The following PCCB variants were observed in gnomAD, a reference collection of about 807,000 sequenced individuals.
PCCB encodes propionyl-CoA carboxylase subunit beta, also known as propionyl-CoA carboxylase beta chain, mitochondrial.
PCCB carries 43 observed loss-of-function variants against 60.7 expected under a neutral mutation model. That is an observed-to-expected ratio of 0.71 (90% CI 0.55 to 0.91). The LOEUF (loss-of-function observed/expected upper bound fraction) is 0.91. Ranked by LOEUF, PCCB falls within the 40% of genes least tolerant of loss-of-function variation. The pLI, the probability that PCCB is intolerant of heterozygous loss-of-function variation, is 0.00. For missense variants in PCCB, 766 were observed against 702.8 expected, an observed-to-expected ratio of 1.09 and a Z score of -1.02; for synonymous variants, 276 against 255.9, an observed-to-expected ratio of 1.08 and a Z score of -0.75.
chr3:136,259,023 T>C (rs1411108486), intron 3 of PCCB, among the ~76,000 whole-genome samples: 1 of 152,202 alleles, frequency 6.6e-6, no homozygotes, highest in Non-Finnish European at 1.5e-5. Context: ...CACAGCTGAT[T>C]CTGTTCTTAA....
At chr3:136,323,788 GAAACA>G (rs1935192243) in intron 10 of PCCB, among the ~76,000 whole-genome samples, 1 of 103,772 alleles carries the variant, frequency 9.6e-6, no homozygotes, top group African/African-American at 3.9e-5. Context: ...CTCCATCTCA[GAAACA>G]AAACAAAACA....
Position 136,261,935 on chromosome 3 carries a change from T to C in PCCB, c.430-17T>C. ...CAAGAACATTTGTCTCAATAAAAGA[T>C]TTCTCTGCTGTCTCAGATCATGGAC... On this transcript the variant is annotated splice_polypyrimidine_tract_variant and intron_variant, in intron 4 of 14. Transcript: ENST00000251654. The C allele has an allele frequency of 6.8e-7, 1 of 1,473,956 alleles. No homozygotes were observed. The highest frequency in any genetic ancestry group is 9.3e-7 in the Non-Finnish European group (1 of 1,075,326). 91.3% of individuals were successfully genotyped at this position (1,473,956 alleles called of 1,614,324 possible). A position where few individuals can be genotyped will look rare whatever the true frequency, so the allele number is the denominator to read the frequency against.
intron 6 of PCCB, among the ~76,000 whole-genome samples, chr3:136,286,152 A>G (rs1324290862): frequency 4.6e-5 from 7 of 152,256 alleles, no homozygotes; most frequent in Non-Finnish European, 7.3e-5. Flanking sequence ...ACATAGATCT[A>G]TATCTATTTG....
chr3:136,328,041 A>G (rs1935395882), intron 13 of PCCB, among the ~76,000 whole-genome samples: 1 of 152,162 alleles, frequency 6.6e-6, no homozygotes, highest in Non-Finnish European at 1.5e-5. Context: ...CAAAGGGTTG[A>G]GTCAACTGAA....
chr3:136,251,253 C>G (rs1278215196), intron 1 of PCCB: 3 of 456,598 alleles, frequency 6.6e-6, no homozygotes, highest in Non-Finnish European at 1.3e-5. Context: ...GAGAATCCAG[C>G]TGGCCTTCAG....
chr3:136,319,684 C>T (rs1935041328), intron 10 of PCCB, among the ~76,000 whole-genome samples: 1 of 152,178 alleles, frequency 6.6e-6, no homozygotes, highest in East Asian at 1.9e-4. Context: ...AGGTGTGAAC[C>T]ACTGCACCTG....
intron 6 of PCCB, 87 bp downstream of exon 6, chr3:136,284,034 G>T: frequency 4.7e-6 from 4 of 842,718 alleles, no homozygotes; most frequent in Non-Finnish European, 6.1e-6. Flanking sequence ...CCCAGATCTA[G>T]GTTGTTACCT....
At chr3:136,293,214 G>A (rs1933777889) in intron 6 of PCCB, among the ~76,000 whole-genome samples, 1 of 152,176 alleles carries the variant, frequency 6.6e-6, no homozygotes, top group African/African-American at 2.4e-5. Flanking sequence ...TGTTGGCCAG[G>A]CTGGTCTTGA....
chr3:136,268,087 G>GATATATATGTATATAT (rs1942066031), intron 5 of PCCB, among the ~76,000 whole-genome samples: 1 of 93,800 alleles, frequency 1.1e-5, no homozygotes, highest in Non-Finnish European at 2.1e-5. Flanking sequence ...TGTGTGTGTA[G>GATATATATGTATATAT]ATATATATAT....
At chr3:136,285,551 C>A (rs947945763) in intron 6 of PCCB, among the ~76,000 whole-genome samples, 2 of 150,542 alleles carry the variant, frequency 1.3e-5, no homozygotes, top group African/African-American at 4.9e-5. Context: ...ACCACTAAAT[C>A]GTTTTTTTTT....
Position 136,293,763 on chromosome 3 carries a change from C to T in PCCB, c.662C>T (p.Ser221Phe), listed in dbSNP as rs1933809009. The change falls in exon 7 of 15, where the codon TCC becomes TTC. Residue 221 changes from serine to phenylalanine, a missense_variant. By Grantham distance (155) the Ser-to-Phe change is radical. Coordinates refer to ENST00000251654, the MANE Select transcript of PCCB (RefSeq NM_000532.5). ...GGAAATCTTTTATTTCAGGACACCT[C>T]CTACCTGTTCATCACTGGCCCTGAT... ...TDFTFMVKDT[S>F]YLFITGPDVV... 6.2e-7 allele frequency: 1 copy of T among 1,606,838 alleles called. No homozygotes were observed.
At chr3:136,329,405 G>A (rs1170411327) in intron 14 of PCCB, among the ~76,000 whole-genome samples, 1 of 152,158 alleles carries the variant, frequency 6.6e-6, no homozygotes, top group Non-Finnish European at 1.5e-5. Flanking sequence ...GAGTAGCAAG[G>A]GGGCAAAGGG....
intron 7 of PCCB, 118 bp from the exon 8 acceptor site, chr3:136,297,834 A>G: frequency 1.8e-6 from 2 of 1,082,080 alleles, no homozygotes; most frequent in Non-Finnish European, 2.9e-6. Context: ...TGCAGAGAAC[A>G]GAGCTATCAG....
intron 5 of PCCB, among the ~76,000 whole-genome samples, chr3:136,273,592 T>TTTTTC: frequency 7.6e-6 from 1 of 130,816 alleles, no homozygotes; most frequent in African/African-American, 3.1e-5. Context: ...TTTTTTTTCT[T>TTTTTC]TTTTCTTTTT....
At chr3:136,298,135 A>T in intron 8 of PCCB, 63 bp downstream of exon 8, 1 of 1,607,108 alleles carries the variant, frequency 6.2e-7, no homozygotes, top group Non-Finnish European at 8.5e-7. Flanking sequence ...CTCTGCCCTG[A>T]CAGGACCCCC....
chr3:136,276,200 C>T (rs1942326448), intron 5 of PCCB, among the ~76,000 whole-genome samples: 1 of 152,146 alleles, frequency 6.6e-6, no homozygotes, highest in Admixed American at 6.5e-5. Context: ...TAATTTTTCC[C>T]CTGTATTTTA....
Position 136,260,610 on chromosome 3 carries a change from C to T in PCCB, c.429+75C>T, listed in dbSNP as rs1381830384. ...GTGCTTATTGAGTATCTTTGGGGTA[C>T]AAGACACTGAGCTAGGTACTTGGGG... On this transcript the variant is annotated intron_variant, in intron 4 of 14. Coordinates refer to ENST00000251654, the MANE Select transcript of PCCB (RefSeq NM_000532.5). 3 of 1,244,612 alleles carry T rather than the reference C, an allele frequency of 2.4e-6. No individual in the cohort carries two copies. In the African/African-American group the frequency reaches 4.4e-5, roughly 18 times the overall value. 77.1% of individuals were successfully genotyped at this position (1,244,612 alleles called of 1,614,324 possible).
At chr3:136,282,539 T>G (rs985079696) in intron 5 of PCCB, among the ~76,000 whole-genome samples, 1 of 152,244 alleles carries the variant, frequency 6.6e-6, no homozygotes, top group Non-Finnish European at 1.5e-5. Flanking sequence ...AAATTAATAC[T>G]GACTTAATTC....
At chr3:136,278,612 C>T (rs914010076) in intron 5 of PCCB, among the ~76,000 whole-genome samples, 4 of 151,926 alleles carry the variant, frequency 2.6e-5, no homozygotes, top group African/African-American at 9.7e-5. Flanking sequence ...TTTCAGTTTT[C>T]CTATTGTTAT....
Sources: allele counts gnomAD v4.1 joint callset (sites outside exome capture counted in the v4.1 genomes callset), GRCh38; gene constraint gnomAD v4.1.1; transcripts MANE v1.5; gene names NCBI Gene and HGNC (gene_info 2026-07-23, HGNC 2026-07-21).